The following L3MBTL4 variants were observed in gnomAD, a reference collection of about 807,000 sequenced individuals.
L3MBTL4 encodes the protein lethal(3)malignant brain tumor-like protein 4.
In L3MBTL4, 70 loss-of-function variants were observed where a neutral mutation model predicts 84.5. The observed-to-expected ratio is 0.83, with a 90% CI of 0.68 to 1.01. The LOEUF is 1.01. L3MBTL4 is among the 50% of genes least tolerant of loss of function. The pLI is 0.00. For missense variants in L3MBTL4, 715 were observed against 754.8 expected, an observed-to-expected ratio of 0.95 and a Z score of 0.62; for synonymous variants, 274 against 259.8, an observed-to-expected ratio of 1.05 and a Z score of -0.52.
intron 15 of L3MBTL4, among the ~76,000 whole-genome samples, chr18:6,088,934 C>T (rs1456742946): frequency 6.6e-6 from 1 of 152,032 alleles, no homozygotes; most frequent in Admixed American, 6.5e-5. Context: ...ATATGGCAGG[C>T]ATCAGGAAAA....
intron 16 of L3MBTL4, among the ~76,000 whole-genome samples, chr18:6,044,261 T>G (rs1190187638): frequency 6.6e-6 from 1 of 152,210 alleles, no homozygotes; most frequent in Non-Finnish European, 1.5e-5. Context: ...AGAACATTAA[T>G]ATTGATATAC....
At chr18:6,326,598 T>A (rs1017191746) in intron 1 of L3MBTL4, 1 of 152,056 alleles carries the variant, frequency 6.6e-6, no homozygotes, top group African/African-American at 2.4e-5. Context: ...ATAATTCCCA[T>A]AAAGGAAAGC....
intron 17 of L3MBTL4, among the ~76,000 whole-genome samples, chr18:5,965,428 A>G (rs956343713): frequency 2.6e-5 from 4 of 152,206 alleles, no homozygotes; most frequent in African/African-American, 4.8e-5. Flanking sequence ...AAGGATGCCC[A>G]GTTCATTCCA....
intron 1 of L3MBTL4, among the ~76,000 whole-genome samples, chr18:6,345,346 G>A (rs987563839): frequency 4.0e-5 from 6 of 151,488 alleles, no homozygotes; most frequent in Non-Finnish European, 7.4e-5. Flanking sequence ...GCAGTGAGCC[G>A]AGATGGTGCC....
chr18:6,094,241 T>G (rs2058556079), intron 14 of L3MBTL4, among the ~76,000 whole-genome samples: 1 of 152,212 alleles, frequency 6.6e-6, no homozygotes, highest in South Asian at 2.1e-4. Flanking sequence ...ATTAGATCCC[T>G]GTGCCCACGT....
At chr18:5,971,674 A>T (rs909579792) in intron 16 of L3MBTL4, among the ~76,000 whole-genome samples, 4 of 152,246 alleles carry the variant, frequency 2.6e-5, no homozygotes, top group Non-Finnish European at 4.4e-5. Context: ...GCTCCCCAGC[A>T]GGAAAATTTC....
chr18:6,321,426 G>C (rs1246889226), intron 1 of L3MBTL4, among the ~76,000 whole-genome samples: 2 of 151,790 alleles, frequency 1.3e-5, no homozygotes, highest in Non-Finnish European at 2.9e-5. Context: ...ATGTTGGTGT[G>C]GATGTGGTGG....
chr18:6,152,487 G>A (rs2042939135), intron 13 of L3MBTL4, among the ~76,000 whole-genome samples: 1 of 152,118 alleles, frequency 6.6e-6, no homozygotes, highest in Admixed American at 6.6e-5. Context: ...GACAATTAGT[G>A]ATGCTGAGCA....
At chr18:6,358,593 C>T (rs1340441537) in intron 1 of L3MBTL4, among the ~76,000 whole-genome samples, 3 of 152,212 alleles carry the variant, frequency 2.0e-5, no homozygotes, top group African/African-American at 7.2e-5. Context: ...AAAGTGACAC[C>T]TGGTCAAGCT....
chr18:6,202,745 C>T (rs561415078), intron 12 of L3MBTL4, among the ~76,000 whole-genome samples: 6 of 152,048 alleles, frequency 3.9e-5, no homozygotes, highest in East Asian at 1.9e-4. Context: ...ATCAGGCTAC[C>T]GTTTACTAAG....
chr18:6,070,528 A>T (rs1271774654), intron 16 of L3MBTL4, among the ~76,000 whole-genome samples: 1 of 150,184 alleles, frequency 6.7e-6, no homozygotes, highest in Non-Finnish European at 1.5e-5. Context: ...AAAAAAAAAA[A>T]TCAGCTAGGC....
intron 13 of L3MBTL4, among the ~76,000 whole-genome samples, chr18:6,142,767 T>C (rs1484532690): frequency 1.3e-5 from 2 of 152,062 alleles, no homozygotes; most frequent in African/African-American, 4.8e-5. Flanking sequence ...AAAATAATCT[T>C]AAAAGTTATT....
At chr18:6,253,375 C>T (rs754091178) in intron 5 of L3MBTL4, among the ~76,000 whole-genome samples, 68 of 152,320 alleles carry the variant, frequency 4.5e-4, no homozygotes, top group Middle Eastern at 3.4e-3. Flanking sequence ...CTCCCAAGTT[C>T]TATTACATTT....
At chr18:6,214,083 G>T (rs371645475) in intron 11 of L3MBTL4, among the ~76,000 whole-genome samples, 1 of 152,300 alleles carries the variant, frequency 6.6e-6, no homozygotes, top group African/African-American at 2.4e-5. Flanking sequence ...TGTAATTTCA[G>T]CTGTTAAACT....
At chr18:6,134,489 G>A (rs9958860) in intron 14 of L3MBTL4, among the ~76,000 whole-genome samples, 7,946 of 152,264 alleles carry the variant, frequency 0.052, 698 homozygotes, top group African/African-American at 0.18. Context: ...CTATGAGCCT[G>A]TAAAATCAAA....
intron 3 of L3MBTL4, among the ~76,000 whole-genome samples, chr18:6,307,198 C>T (rs373627442): frequency 6.6e-5 from 10 of 151,646 alleles, no homozygotes; most frequent in East Asian, 3.9e-4. Flanking sequence ...TTTGGGAGGC[C>T]GAGGCAGGCG....
At chr18:6,131,146 C>T (rs2059864352) in intron 14 of L3MBTL4, among the ~76,000 whole-genome samples, 1 of 152,128 alleles carries the variant, frequency 6.6e-6, no homozygotes, top group Non-Finnish European at 1.5e-5. Context: ...CTGTTTACTT[C>T]CTTTCAAAAC....
chr18:6,118,554 G>GA (rs1007561899), intron 14 of L3MBTL4, among the ~76,000 whole-genome samples: 8 of 151,816 alleles, frequency 5.3e-5, no homozygotes, highest in African/African-American at 7.2e-5. Flanking sequence ...TTCAGTGAAA[G>GA]AAAAAAAACT....
intron 4 of L3MBTL4, among the ~76,000 whole-genome samples, chr18:6,280,773 A>C (rs2049287217): frequency 6.6e-6 from 1 of 152,198 alleles, no homozygotes; most frequent in Admixed American, 6.5e-5. Context: ...CTGTGGCCAG[A>C]GGAAAAAGTG....
Sources: gnomAD v4.1 joint callset for allele counts (sites outside exome capture counted in the v4.1 genomes callset) on GRCh38, gnomAD v4.1.1 for gene constraint, MANE v1.5 for transcripts, NCBI Gene and HGNC (gene_info 2026-07-23, HGNC 2026-07-21) for gene names.